The following GPHN variants were observed in gnomAD, a reference collection of about 807,000 sequenced individuals.
GPHN encodes gephyrin.
A neutral mutation model predicts 95.5 loss-of-function variants in GPHN; 17 were observed. That is an observed-to-expected ratio of 0.18 (90% CI 0.12 to 0.27). GPHN has a LOEUF of 0.27. GPHN is among the 10% of genes least tolerant of loss of function. The probability of loss-of-function intolerance (pLI) is 1.00; values close to 1 mark genes in which losing one functional copy is unlikely to be tolerated. For synonymous variants in GPHN, 320 were observed against 322.5 expected (o/e 0.99, Z 0.08); for missense variants, 660 against 978.1 (o/e 0.67, Z 4.34).
At chr14:66,955,294 A>G (rs2068411532) in intron 8 of GPHN, among the ~76,000 whole-genome samples, 1 of 152,056 alleles carries the variant, frequency 6.6e-6, no homozygotes, top group Non-Finnish European at 1.5e-5. Context: ...TAGTGGTTCT[A>G]TTCAGATTTT....
chr14:67,483,484 T>C, the GPHN span, among the ~76,000 whole-genome samples: 3 of 152,168 alleles, frequency 2.0e-5, no homozygotes, highest in African/African-American at 4.8e-5. Context: ...TGGGATGGTA[T>C]GTGGAGAGAC....
At chr14:67,729,513 G>A in the GPHN span, 39 of 827,112 alleles carry the variant, frequency 4.7e-5, no homozygotes, top group Middle Eastern at 3.3e-4. Flanking sequence ...CCTGCAAACA[G>A]AATGCCGTTG....
the GPHN span, among the ~76,000 whole-genome samples, chr14:67,298,111 G>A: frequency 6.6e-6 from 1 of 151,924 alleles, no homozygotes; most frequent in Non-Finnish European, 1.5e-5. Flanking sequence ...GAATCAGATG[G>A]TGATGGTCCT....
intron 10 of GPHN, among the ~76,000 whole-genome samples, chr14:67,037,227 C>A (rs2074464974): frequency 6.6e-6 from 1 of 152,014 alleles, no homozygotes; most frequent in Non-Finnish European, 1.5e-5. Flanking sequence ...AACAGCTATT[C>A]TCTTTGCAAA....
the GPHN span, among the ~76,000 whole-genome samples, chr14:67,331,587 T>C: frequency 6.6e-6 from 1 of 152,156 alleles, no homozygotes; most frequent in Admixed American, 6.5e-5. Context: ...AATTTTGAGC[T>C]AAAACATTTT....
chr14:66,555,701 G>A (rs2140223155), intron 1 of GPHN, among the ~76,000 whole-genome samples: 1 of 152,120 alleles, frequency 6.6e-6, no homozygotes, highest in South Asian at 2.1e-4. Flanking sequence ...GATTTCTCCT[G>A]AGTCATCTTA....
chr14:67,292,615 G>GAGA, the GPHN span: 1 of 1,613,572 alleles, frequency 6.2e-7, no homozygotes, highest in Non-Finnish European at 8.5e-7. Context: ...TCAAAATAAG[G>GAGA]ATTTCCAGAA....
chr14:67,459,841 T>C, the GPHN span, among the ~76,000 whole-genome samples: 1 of 152,210 alleles, frequency 6.6e-6, no homozygotes, highest in Admixed American at 6.5e-5. Flanking sequence ...AAGGGACAGG[T>C]GATTTCAAAT....
At chr14:67,694,356 T>A in the GPHN span, among the ~76,000 whole-genome samples, 1 of 151,240 alleles carries the variant, frequency 6.6e-6, no homozygotes, top group African/African-American at 2.4e-5. Flanking sequence ...CCAGCAGGAA[T>A]GAAAGAGACA....
chr14:66,576,468 A>G (rs2060904313), intron 1 of GPHN, among the ~76,000 whole-genome samples: 1 of 146,712 alleles, frequency 6.8e-6, no homozygotes. Context: ...TCATCAATTT[A>G]CTAATCCTCT....
chr14:67,245,349 A>G, the GPHN span, among the ~76,000 whole-genome samples: 1 of 152,108 alleles, frequency 6.6e-6, no homozygotes, highest in South Asian at 2.1e-4. Flanking sequence ...CCATTTTAGT[A>G]GTATCTCGTT....
the GPHN span, among the ~76,000 whole-genome samples, chr14:67,480,927 C>A: frequency 2.6e-5 from 4 of 152,122 alleles, no homozygotes; most frequent in Non-Finnish European, 5.9e-5. Context: ...ATCCCAAAAC[C>A]CTTGGAGCAG....
chr14:67,621,854 T>C, the GPHN span, among the ~76,000 whole-genome samples: 1 of 151,434 alleles, frequency 6.6e-6, no homozygotes, highest in Admixed American at 6.6e-5. Flanking sequence ...CCCAGCACTT[T>C]GGGAGGCCAA....
chr14:67,112,574 G>A (rs10483794), intron 15 of GPHN, among the ~76,000 whole-genome samples: 8,284 of 152,182 alleles, frequency 0.054, 236 homozygotes, highest in Middle Eastern at 0.068. Context: ...TATGACTGTA[G>A]CCTCATTAGC....
chr14:67,465,758 GA>G, the GPHN span, among the ~76,000 whole-genome samples: 1 of 152,238 alleles, frequency 6.6e-6, no homozygotes, highest in Non-Finnish European at 1.5e-5. Context: ...ACCTTATTTT[GA>G]AAAGGGGTCT....
Position 67,144,251 on chromosome 14 carries a change from ATATATATATATATATATAT to A in GPHN, c.1836+803_1836+821del, listed in dbSNP as rs1239507809. On this transcript the variant is annotated intron_variant, in intron 18 of 22. Coordinates refer to ENST00000478722, the MANE Select transcript of GPHN (RefSeq NM_020806.5). ...GACCCTGTCTTAAAAAAAAAAAAAA[ATATATATATATATATATAT>A]ATATATATATATATATACACACACA... Among the ~76,000 whole-genome samples, 11 of 41,252 alleles carry A rather than the reference ATATATATATATATATATAT, an allele frequency of 2.7e-4. 1 individual carries two copies. The highest frequency in any genetic ancestry group is 1.0e-3 in the African/African-American group (9 of 8,656). 27.1% of individuals were successfully genotyped at this position (41,252 alleles called of 152,430 possible). A position where few individuals can be genotyped will look rare whatever the true frequency, so the allele number is the denominator to read the frequency against.
At chr14:67,664,785 G>C in the GPHN span, among the ~76,000 whole-genome samples, 1 of 152,112 alleles carries the variant, frequency 6.6e-6, no homozygotes, top group African/African-American at 2.4e-5. Context: ...AGATGAGCCG[G>C]GCTTATGGAG....
At chr14:67,315,504 C>T in the GPHN span, among the ~76,000 whole-genome samples, 1 of 152,044 alleles carries the variant, frequency 6.6e-6, no homozygotes, top group Non-Finnish European at 1.5e-5. Flanking sequence ...TCTTGATCTC[C>T]TGACCTCGTG....
At chr14:67,000,121 A>C (rs2072114613) in intron 9 of GPHN, among the ~76,000 whole-genome samples, 1 of 151,836 alleles carries the variant, frequency 6.6e-6, no homozygotes, top group Non-Finnish European at 1.5e-5. Flanking sequence ...TGATGGTTTT[A>C]AAGTTGTAAC....
Sources: gnomAD v4.1 joint callset for allele counts (sites outside exome capture counted in the v4.1 genomes callset) on GRCh38, gnomAD v4.1.1 for gene constraint, MANE v1.5 for transcripts, NCBI Gene and HGNC (gene_info 2026-07-23, HGNC 2026-07-21) for gene names.